Variants in SCFD2 observed in about 807,000 individuals in gnomAD.
The protein encoded by SCFD2 is sec1 family domain containing 2, also known as sec1 family domain-containing protein 2.
In SCFD2, 54 loss-of-function variants were observed where a neutral mutation model predicts 58.9. The ratio of observed to expected loss-of-function variants is 0.92; its 90% confidence interval spans 0.74 to 1.15. The LOEUF (loss-of-function observed/expected upper bound fraction) is 1.15. Among genes scored for constraint, SCFD2 ranks in the 50% most tolerant of loss-of-function variants. SCFD2 has a pLI of 0.00. For synonymous variants in SCFD2, 321 were observed against 335.9 expected, an observed-to-expected ratio of 0.96 and a Z score of 0.49; for missense variants, 805 against 836.6, an observed-to-expected ratio of 0.96 and a Z score of 0.47.
intron 5 of SCFD2, among the ~76,000 whole-genome samples, chr4:52,931,572 AAAGTT>A (rs1719996112): frequency 6.6e-6 from 1 of 152,270 alleles, no homozygotes. Context: ...AAGCAGCAAC[AAAGTT>A]AAGAAAACAC....
chr4:53,202,903 C>T (rs932981730), intron 4 of SCFD2, among the ~76,000 whole-genome samples: 4 of 152,112 alleles, frequency 2.6e-5, no homozygotes, highest in East Asian at 1.9e-4. Flanking sequence ...CTGAAGTTGC[C>T]TATCAGCTGA....
At chr4:53,311,696 C>T (rs543721694) in intron 3 of SCFD2, among the ~76,000 whole-genome samples, 3 of 151,426 alleles carry the variant, frequency 2.0e-5, no homozygotes, top group Non-Finnish European at 4.4e-5. Context: ...AGTGCAGTGG[C>T]GCAATCTCAG....
At chr4:52,893,609 A>T (rs1718930327) in intron 7 of SCFD2, among the ~76,000 whole-genome samples, 1 of 152,122 alleles carries the variant, frequency 6.6e-6, no homozygotes, top group Non-Finnish European at 1.5e-5. Context: ...ATGCAGTTAC[A>T]ATGTGACCCT....
intron 5 of SCFD2, among the ~76,000 whole-genome samples, chr4:52,935,140 C>T (rs1283221611): frequency 6.6e-6 from 1 of 152,180 alleles, no homozygotes; most frequent in Non-Finnish European, 1.5e-5. Flanking sequence ...GAACAAAGAT[C>T]TTTAATTACA....
chr4:53,226,666 A>T (rs1577864727), intron 4 of SCFD2, among the ~76,000 whole-genome samples: 1 of 152,282 alleles, frequency 6.6e-6, no homozygotes, highest in East Asian at 1.9e-4. Flanking sequence ...AGCTAAGGAG[A>T]CTGATAAGTT....
At chr4:53,321,398 A>G (rs1010965584) in intron 2 of SCFD2, among the ~76,000 whole-genome samples, 1 of 152,074 alleles carries the variant, frequency 6.6e-6, no homozygotes. Flanking sequence ...AATCATGGTG[A>G]TACTTCAATC....
At chr4:53,134,248 TTATTC>T (rs1375086650) in intron 5 of SCFD2, among the ~76,000 whole-genome samples, 4 of 152,188 alleles carry the variant, frequency 2.6e-5, no homozygotes, top group African/African-American at 9.6e-5. Flanking sequence ...AGAGTAGAAC[TTATTC>T]TACTTATTCT....
chr4:52,901,842 AG>A (rs1719208454), intron 7 of SCFD2, among the ~76,000 whole-genome samples: 2 of 152,366 alleles, frequency 1.3e-5, no homozygotes, highest in African/African-American at 4.8e-5. Context: ...TTCTGACTCT[AG>A]TAAAGGCAAA....
intron 5 of SCFD2, among the ~76,000 whole-genome samples, chr4:53,075,885 G>A (rs1723957445): frequency 6.6e-6 from 1 of 152,158 alleles, no homozygotes; most frequent in South Asian, 2.1e-4. Context: ...CATGAAGTGA[G>A]CATATGCCGT....
chr4:52,903,362 A>G (rs933893997), intron 7 of SCFD2, among the ~76,000 whole-genome samples: 1 of 152,186 alleles, frequency 6.6e-6, no homozygotes, highest in African/African-American at 2.4e-5. Flanking sequence ...GCTGCTGGAA[A>G]GGAGGGTCAG....
intron 5 of SCFD2, among the ~76,000 whole-genome samples, chr4:53,090,310 A>G (rs2148865748): frequency 6.6e-6 from 1 of 152,324 alleles, no homozygotes; most frequent in East Asian, 1.9e-4. Flanking sequence ...CAAATCATAC[A>G]TGACCACATT....
At chr4:53,214,102 G>C (rs1292776802) in intron 4 of SCFD2, among the ~76,000 whole-genome samples, 1 of 152,060 alleles carries the variant, frequency 6.6e-6, no homozygotes, top group African/African-American at 2.4e-5. Flanking sequence ...TGTAAATAGT[G>C]CCACAGTAAA....
intron 5 of SCFD2, among the ~76,000 whole-genome samples, chr4:52,979,146 A>G (rs1721318352): frequency 6.6e-6 from 1 of 152,002 alleles, no homozygotes; most frequent in African/African-American, 2.4e-5. Context: ...TGATCCTGCC[A>G]TACTCTAACT....
At chr4:53,117,462 T>C (rs1725356064) in intron 5 of SCFD2, among the ~76,000 whole-genome samples, 1 of 152,054 alleles carries the variant, frequency 6.6e-6, no homozygotes, top group Non-Finnish European at 1.5e-5. Flanking sequence ...TCCTTATCTG[T>C]ACAGGTGATC....
intron 5 of SCFD2, among the ~76,000 whole-genome samples, chr4:52,926,340 G>C (rs149564110): frequency 6.6e-6 from 1 of 152,060 alleles, no homozygotes; most frequent in African/African-American, 2.4e-5. Context: ...GTCTGGATTC[G>C]AGCTGAAGTA....
In SCFD2 at chr4:53,092,334, T is replaced by A. The variant is rs561433158; in HGVS notation, c.1561+52999A>T. Among the ~76,000 whole-genome samples the A allele has an allele frequency of 1.3e-4, 20 of 152,260 alleles. No individual in the cohort carries two copies. The East Asian group carries it at 1.3e-3, about 10-fold the overall frequency. On this transcript the variant is annotated intron_variant, in intron 5 of 8. Coordinates refer to ENST00000401642, the MANE Select transcript of SCFD2 (RefSeq NM_152540.4). The stretch of plus-strand genomic sequence containing the variant: ...TAGGTCTAAGGAAATAACCTCAAAA[T>A]TGTTAGTTGAAATGTATAATGGTAC...
intron 4 of SCFD2, among the ~76,000 whole-genome samples, chr4:53,208,207 G>A (rs1240375327): frequency 6.6e-6 from 1 of 151,532 alleles, no homozygotes; most frequent in African/African-American, 2.4e-5. Context: ...AAATTCACGA[G>A]CTCATGCAAT....
intron 4 of SCFD2, among the ~76,000 whole-genome samples, chr4:53,252,832 G>C (rs1237965139): frequency 6.6e-6 from 1 of 152,072 alleles, no homozygotes; most frequent in African/African-American, 2.4e-5. Flanking sequence ...GCATGGGCAA[G>C]GACTTCATGT....
rs191651619 is a variant in SCFD2 at position 53,236,899 on chromosome 4, C to T, written c.1311+36927G>A. Among the ~76,000 whole-genome samples the T allele has an allele frequency of 8.5e-3, 1,282 of 151,108 alleles. 12 individuals carry two copies. The highest frequency in any genetic ancestry group is 0.03 in the African/African-American group (1,220 of 41,122). ...GTGTTTCTCACAGAGGGGGATTTGG[C>T]AGGGTCATAGGACAATAGTGGAGGG... is the stretch of plus-strand genomic sequence containing the variant. On this transcript the variant is annotated intron_variant, in intron 4 of 8. Coordinates refer to ENST00000401642, the MANE Select transcript of SCFD2 (RefSeq NM_152540.4).
Sources: allele counts gnomAD v4.1 joint callset (sites outside exome capture counted in the v4.1 genomes callset), GRCh38; gene constraint gnomAD v4.1.1; transcripts MANE v1.5; gene names NCBI Gene and HGNC (gene_info 2026-07-23, HGNC 2026-07-21).